FSTL5: variants seen among roughly 807,000 people sequenced by gnomAD.
The protein encoded by FSTL5 is follistatin-related protein 5.
FSTL5 carries 62 observed loss-of-function variants against 89.1 expected under a neutral mutation model. The ratio of observed to expected loss-of-function variants is 0.70; its 90% CI spans 0.57 to 0.86. The LOEUF is 0.86. FSTL5 is among the 40% of genes least tolerant of loss of function. FSTL5 has a pLI of 0.00. For synonymous variants in FSTL5, 383 were observed against 346.2 expected (o/e 1.11, Z -1.18); for missense variants, 1,057 against 1,001.6 (o/e 1.06, Z -0.75).
At chr4:162,004,081 T>C (rs1027582165) in intron 3 of FSTL5, among the ~76,000 whole-genome samples, 3 of 152,160 alleles carry the variant, frequency 2.0e-5, no homozygotes, top group African/African-American at 4.8e-5. Context: ...CCATATTGTG[T>C]TCTTTTCTTT....
intron 3 of FSTL5, among the ~76,000 whole-genome samples, chr4:162,023,165 C>T (rs367627430): frequency 5.9e-5 from 9 of 152,146 alleles, no homozygotes; most frequent in Admixed American, 2.0e-4. Flanking sequence ...CGTTACTTTC[C>T]GGAAAACAGG....
chr4:161,978,397 T>A (rs1578912377), intron 3 of FSTL5, among the ~76,000 whole-genome samples: 1 of 152,152 alleles, frequency 6.6e-6, no homozygotes, highest in East Asian at 1.9e-4. Context: ...GACATAACTT[T>A]TTTTTGTTGT....
chr4:161,619,474 G>T (rs912575856), intron 7 of FSTL5, among the ~76,000 whole-genome samples: 3 of 152,202 alleles, frequency 2.0e-5, no homozygotes, highest in Admixed American at 6.5e-5. Context: ...AATCTACAAT[G>T]AACTCAAATA....
At chr4:162,145,609 GA>G (rs1339971800) in intron 1 of FSTL5, among the ~76,000 whole-genome samples, 2 of 151,872 alleles carry the variant, frequency 1.3e-5, no homozygotes, top group African/African-American at 4.8e-5. Flanking sequence ...CATAATAAGG[GA>G]AAAAAACGGA....
At chr4:161,706,687 AT>A (rs1738594703) in intron 6 of FSTL5, among the ~76,000 whole-genome samples, 1 of 152,020 alleles carries the variant, frequency 6.6e-6, no homozygotes, top group Admixed American at 6.6e-5. Context: ...AATATTTATT[AT>A]TTTCTAACAA....
rs547669789 is a variant in FSTL5, at chr4:162,064,295, G to A, written c.127-30637C>T. Among the ~76,000 whole-genome samples, 6 of 152,032 alleles carry A rather than the reference G, an allele frequency of 3.9e-5. No individual in the cohort carries two copies. The East Asian group carries it at 9.7e-4, about 25-fold the overall frequency. Reference sequence around the variant, plus strand: ...TGCATCTGTGGCTACTTACTAGAAGGGATGTGAAATGTTTTATCAAAAATG... The same window carrying A: ...TGCATCTGTGGCTACTTACTAGAAGAGATGTGAAATGTTTTATCAAAAATG... On this transcript the variant is annotated intron_variant, in intron 2 of 15. Transcript: ENST00000306100.
intron 12 of FSTL5, 87 bp downstream of exon 12, chr4:161,499,929 T>C (rs1730237592): frequency 1.3e-6 from 1 of 757,650 alleles, no homozygotes; most frequent in Non-Finnish European, 2.3e-6. Flanking sequence ...GTCTCATATA[T>C]GTATAGGTTT....
intron 2 of FSTL5, among the ~76,000 whole-genome samples, chr4:162,084,203 T>A (rs1288529000): frequency 6.6e-6 from 1 of 151,982 alleles, no homozygotes; most frequent in Non-Finnish European, 1.5e-5. Flanking sequence ...GAGCTGATTG[T>A]TAGCTGATAT....
At position 161,454,992 on chromosome 4, in the gene FSTL5, C is replaced by G; in HGVS notation, c.1841+12G>C. 6.2e-7 allele frequency: 1 copy of G among 1,612,174 alleles called. No homozygotes were observed. The highest frequency in any genetic ancestry group is 2.2e-5 in the East Asian group (1 of 44,802). On this transcript the variant is annotated intron_variant, in intron 15 of 15. Coordinates refer to ENST00000306100, the MANE Select transcript of FSTL5 (RefSeq NM_020116.5). ...AATCTTTAAAAAGTTGATCACTCAACTTAGCACTTACCTCATATGGGTGAT... is the reference window on the plus strand; with the variant it reads ...AATCTTTAAAAAGTTGATCACTCAAGTTAGCACTTACCTCATATGGGTGAT...
At chr4:161,764,679 C>T (rs1372277504) in intron 5 of FSTL5, among the ~76,000 whole-genome samples, 1 of 151,752 alleles carries the variant, frequency 6.6e-6, no homozygotes, top group Non-Finnish European at 1.5e-5. Context: ...TTTTGAAAGA[C>T]CAGTTGAAGA....
At chr4:161,961,979 T>C (rs1390231495) in intron 3 of FSTL5, among the ~76,000 whole-genome samples, 1 of 151,886 alleles carries the variant, frequency 6.6e-6, no homozygotes, top group Non-Finnish European at 1.5e-5. Context: ...ATCAATTATT[T>C]TGACATATGC....
At chr4:161,642,212 T>G (rs1208065831) in intron 7 of FSTL5, among the ~76,000 whole-genome samples, 1 of 151,804 alleles carries the variant, frequency 6.6e-6, no homozygotes, top group African/African-American at 2.4e-5. Context: ...GCCTCTTAAA[T>G]TTTGCGAAGA....
chr4:161,810,072 T>C (rs1253265517), intron 4 of FSTL5, among the ~76,000 whole-genome samples: 1 of 152,090 alleles, frequency 6.6e-6, no homozygotes, highest in Non-Finnish European at 1.5e-5. Flanking sequence ...AGGAACAATT[T>C]TAGATGTTAA....
In FSTL5 at chr4:162,105,161, T is replaced by A. The variant is rs1455661236; in HGVS notation, c.126+6110A>T. Among the ~76,000 whole-genome samples, 4 of 152,176 alleles carry A rather than the reference T, an allele frequency of 2.6e-5. No individual in the cohort carries two copies. In the East Asian group the frequency reaches 7.7e-4, roughly 29 times the overall value. On this transcript the variant is annotated intron_variant, in intron 2 of 15. Coordinates refer to ENST00000306100, the MANE Select transcript of FSTL5 (RefSeq NM_020116.5). The stretch of plus-strand genomic sequence containing the variant: ...TTTCATATGCATTCTGAAATGATCA[T>A]CACCATCAGTTAACATATCCATTAC...
chr4:161,617,207 T>C (rs1346189468), intron 7 of FSTL5, among the ~76,000 whole-genome samples: 1 of 151,978 alleles, frequency 6.6e-6, no homozygotes, highest in African/African-American at 2.4e-5. Flanking sequence ...CTAGATAAAT[T>C]CTGGAGCTTA....
intron 3 of FSTL5, among the ~76,000 whole-genome samples, chr4:161,997,207 T>C (rs79742507): frequency 6.6e-6 from 1 of 152,352 alleles, no homozygotes; most frequent in Admixed American, 6.5e-5. Flanking sequence ...TCTAGACACA[T>C]AATTTTCATC....
At chr4:162,146,441 C>A (rs1218592300) in intron 1 of FSTL5, among the ~76,000 whole-genome samples, 1 of 148,366 alleles carries the variant, frequency 6.7e-6, no homozygotes, top group Non-Finnish European at 1.5e-5. Flanking sequence ...TTATGTTTCA[C>A]TCATTTTTTA....
chr4:161,426,247 G>C (rs1284526980), intron 15 of FSTL5, among the ~76,000 whole-genome samples: 1 of 152,094 alleles, frequency 6.6e-6, no homozygotes, highest in Non-Finnish European at 1.5e-5. Flanking sequence ...ACTGTGTGAA[G>C]AGTTTAACAA....
chr4:161,745,665 G>T (rs1440364114), intron 6 of FSTL5, among the ~76,000 whole-genome samples: 2 of 150,306 alleles, frequency 1.3e-5, no homozygotes, highest in African/African-American at 2.4e-5. Flanking sequence ...CAAACTATAA[G>T]TAAAAAAAAA....
Sources: gnomAD v4.1 joint callset for allele counts (sites outside exome capture counted in the v4.1 genomes callset) on GRCh38, gnomAD v4.1.1 for gene constraint, MANE v1.5 for transcripts, NCBI Gene and HGNC (gene_info 2026-07-23, HGNC 2026-07-21) for gene names.